The following ABCB4 variants were observed in gnomAD, a reference collection of about 807,000 sequenced individuals.
ABCB4 encodes ATP binding cassette subfamily B member 4.
In ABCB4, 76 loss-of-function variants were observed where a neutral mutation model predicts 145.7. The observed-to-expected ratio is 0.52, with a 90% CI of 0.43 to 0.63. The LOEUF (loss-of-function observed/expected upper bound fraction) is 0.63. Among genes scored for constraint, ABCB4 ranks in the 30% least tolerant of loss-of-function variants. The pLI, the probability that ABCB4 is intolerant of heterozygous loss-of-function variation, is 0.00. For synonymous variants in ABCB4, 517 were observed against 566.8 expected (o/e 0.91, Z 1.25); for missense variants, 1,234 against 1,553.1 (o/e 0.79, Z 3.45).
intron 2 of ABCB4, among the ~76,000 whole-genome samples, chr7:87,473,333 T>G (rs972665377): frequency 6.6e-6 from 1 of 152,216 alleles, no homozygotes; most frequent in Admixed American, 6.5e-5. Flanking sequence ...ATTTCCTCTC[T>G]GACCACATCC....
intron 4 of ABCB4, among the ~76,000 whole-genome samples, chr7:87,456,824 C>T (rs45546132): frequency 0.23 from 34,587 of 151,504 alleles, 5,256 homozygotes; most frequent in African/African-American, 0.44. Flanking sequence ...GCTCCAGAGT[C>T]CCCGGGGAAA....
intron 3 of ABCB4, among the ~76,000 whole-genome samples, chr7:87,466,112 G>T (rs749689098): frequency 6.6e-6 from 1 of 152,108 alleles, no homozygotes; most frequent in Non-Finnish European, 1.5e-5. Flanking sequence ...AGCTAAAGAC[G>T]GAAGTTCGAA....
chr7:87,448,357 C>G (rs1476968604), intron 8 of ABCB4, among the ~76,000 whole-genome samples: 1 of 152,150 alleles, frequency 6.6e-6, no homozygotes, highest in African/African-American at 2.4e-5. Flanking sequence ...ATTCATTAGT[C>G]TTTTAAAAAA....
downstream of ABCB4, chr7:87,398,745 A>G (rs1317609383): frequency 3.5e-6 from 4 of 1,141,854 alleles, no homozygotes; most frequent in Non-Finnish European, 3.7e-6. Context: ...ACTTGCTAAC[A>G]TTCCTTTAAC....
chr7:87,393,125 G>T, the ABCB4 span: 5 of 1,536,446 alleles, frequency 3.3e-6, no homozygotes, highest in East Asian at 2.3e-5. Context: ...TATTACTTTT[G>T]TTTTTAAATG....
intron 10 of ABCB4, 117 bp from the exon 11 acceptor site, chr7:87,443,890 A>G (rs549791267): frequency 5.5e-5 from 42 of 759,032 alleles, no homozygotes; most frequent in South Asian, 5.3e-4. Flanking sequence ...TCCCCTTTAC[A>G]TAAGAAAAAC....
chr7:87,439,457 G>A (rs1204532357), intron 14 of ABCB4, among the ~76,000 whole-genome samples: 3 of 152,106 alleles, frequency 2.0e-5, no homozygotes, highest in Admixed American at 6.6e-5. Flanking sequence ...ACCTGGATCT[G>A]GGCTCACTGC....
chr7:87,466,600 G>C (rs1812922872), intron 3 of ABCB4, among the ~76,000 whole-genome samples: 1 of 152,202 alleles, frequency 6.6e-6, no homozygotes, highest in Non-Finnish European at 1.5e-5. Context: ...ATAATTGTCA[G>C]ATTCGCCAAA....
rs375951695 is a variant in ABCB4, at chr7:87,431,530, G to A, written c.1767C>T (p.His589=). 4.3e-6 allele frequency: 7 copies of A among 1,613,972 alleles called. No homozygotes were observed. Among genetic ancestry groups the A allele is most frequent in the African/African-American group, 2.7e-5 (2 of 74,902 alleles). The change falls in exon 15 of 28, where the codon CAC becomes CAT. Residue 589 remains histidine, a synonymous_variant. Transcript: ENST00000649586. ...CTGCATTTCGGACCGTAGACAGTCG[G>A]TGTGCTATCACAATGGTGGTCCGGC... is the stretch of plus-strand genomic sequence containing the variant. ...REGRTTIVIA[H]RLSTVRNADV...
At chr7:87,398,110 T>C (rs1283122029), downstream of ABCB4, among the ~76,000 whole-genome samples, 1 of 151,900 alleles carries the variant, frequency 6.6e-6, no homozygotes, top group Non-Finnish European at 1.5e-5. Context: ...TGCCTTTTTT[T>C]TTTTTTCAAA....
intron 23 of ABCB4, among the ~76,000 whole-genome samples, chr7:87,409,807 C>T (rs1167060903): frequency 1.3e-5 from 2 of 152,134 alleles, no homozygotes; most frequent in Non-Finnish European, 2.9e-5. Flanking sequence ...TCCAAGTAAG[C>T]TTTTTCTGAT....
intron 17 of ABCB4, among the ~76,000 whole-genome samples, chr7:87,422,607 A>T (rs1809526177): frequency 6.6e-6 from 1 of 152,034 alleles, no homozygotes; most frequent in Admixed American, 6.5e-5. Flanking sequence ...CTGCATATGG[A>T]CTGTGAGTGG....
At chr7:87,370,345 GC>G in the ABCB4 span, among the ~76,000 whole-genome samples, 1 of 152,052 alleles carries the variant, frequency 6.6e-6, no homozygotes, top group African/African-American at 2.4e-5. Flanking sequence ...ACCATGGCCA[GC>G]TAATTATTGT....
chr7:87,392,783 C>T, the ABCB4 span: 1 of 1,613,736 alleles, frequency 6.2e-7, no homozygotes, highest in South Asian at 1.1e-5. Context: ...GGAAGGTCTT[C>T]CTGTTCCAGA....
chr7:87,411,812 T>C, intron 23 of ABCB4, 81 bp downstream of exon 23: 2 of 1,382,140 alleles, frequency 1.4e-6, no homozygotes, highest in Non-Finnish European at 2.0e-6. Flanking sequence ...ACAGGAGTCA[T>C]TTTTTTCCTA....
intron 1 of ABCB4, 72 bp from the exon 2 acceptor site, chr7:87,475,543 G>T: frequency 6.8e-7 from 1 of 1,470,522 alleles, no homozygotes; most frequent in Non-Finnish European, 9.4e-7. Flanking sequence ...CGCGGGGCCC[G>T]GGGGCACTGG....
intron 9 of ABCB4, among the ~76,000 whole-genome samples, chr7:87,446,113 G>T (rs903993182): frequency 5.3e-5 from 8 of 152,104 alleles, no homozygotes; most frequent in Non-Finnish European, 1.2e-4. Context: ...GCATTAATGA[G>T]GGCTCACCAA....
At chr7:87,395,197 G>C in the ABCB4 span, among the ~76,000 whole-genome samples, 159 of 152,300 alleles carry the variant, frequency 1.0e-3, no homozygotes, top group African/African-American at 3.6e-3. Flanking sequence ...AGAGTCCAAC[G>C]TTCAAGGCCA....
chr7:87,366,268 A>AC, the ABCB4 span, among the ~76,000 whole-genome samples: 6 of 151,784 alleles, frequency 4.0e-5, no homozygotes, highest in Non-Finnish European at 5.9e-5. Flanking sequence ...ATATAGCACT[A>AC]CAGGGCCTGT....
Sources: gnomAD v4.1 joint callset for allele counts (sites outside exome capture counted in the v4.1 genomes callset) on GRCh38, gnomAD v4.1.1 for gene constraint, MANE v1.5 for transcripts, NCBI Gene and HGNC (gene_info 2026-07-23, HGNC 2026-07-21) for gene names.